Variants in STEAP1B observed in about 807,000 individuals in gnomAD.
STEAP1B encodes STEAP family protein MGC87042.
STEAP1B carries 13 observed loss-of-function variants against 27.9 expected under a neutral mutation model. That is an observed-to-expected ratio of 0.47 (90% confidence interval 0.30 to 0.74). The LOEUF (loss-of-function observed/expected upper bound fraction) is 0.74, where lower values mean the gene tolerates loss of function less well. Ranked by LOEUF, STEAP1B falls within the 30% of genes least tolerant of loss-of-function variation. The probability of loss-of-function intolerance (pLI) is 0.06; values close to 1 mark genes in which losing one functional copy is unlikely to be tolerated. For synonymous variants in STEAP1B, 86 were observed against 107.1 expected, an observed-to-expected ratio of 0.80 and a Z score of 1.22; for missense variants, 250 against 298.7, an observed-to-expected ratio of 0.84 and a Z score of 1.20.
intron 4 of STEAP1B, among the ~76,000 whole-genome samples, chr7:22,478,277 C>A (rs1786008342): frequency 6.6e-6 from 1 of 152,232 alleles, no homozygotes; most frequent in Non-Finnish European, 1.5e-5. Context: ...GCAATGAGGA[C>A]AGACTGCAGA....
intron 4 of STEAP1B, among the ~76,000 whole-genome samples, chr7:22,446,630 T>C (rs1325327374): frequency 1.3e-5 from 2 of 152,230 alleles, no homozygotes; most frequent in East Asian, 1.9e-4. Flanking sequence ...GACACTTCCA[T>C]TGGAATATGA....
chr7:22,434,663 C>G (rs1785232962), intron 4 of STEAP1B, among the ~76,000 whole-genome samples: 11 of 152,210 alleles, frequency 7.2e-5, no homozygotes, highest in Admixed American at 7.2e-4. Context: ...ATGCCAGACA[C>G]AACTCCAAGT....
intron 4 of STEAP1B, among the ~76,000 whole-genome samples, chr7:22,444,423 T>TA (rs1785378438): frequency 3.1e-5 from 4 of 128,896 alleles, no homozygotes; most frequent in Non-Finnish European, 6.8e-5. Flanking sequence ...TTTCCCTGTT[T>TA]TAAAAAAAAA....
At chr7:22,485,495 T>C (rs961986289) in intron 4 of STEAP1B, among the ~76,000 whole-genome samples, 3 of 152,218 alleles carry the variant, frequency 2.0e-5, no homozygotes, top group African/African-American at 7.2e-5. Flanking sequence ...GAACAACTTT[T>C]TTATTTTTTT....
At chr7:22,452,420 C>T (rs894413945) in intron 4 of STEAP1B, among the ~76,000 whole-genome samples, 1 of 151,694 alleles carries the variant, frequency 6.6e-6, no homozygotes, top group Non-Finnish European at 1.5e-5. Context: ...GGCAGACAAT[C>T]CCCCCCCTCC....
rs750152749 is a variant in STEAP1B at position 22,488,525 on chromosome 7, G to T, written c.762+4040C>A. On this transcript the variant is annotated intron_variant, in intron 4 of 4. Transcript: ENST00000678116. ...CCCTCATCCTCACCCATGCTGTGTTGCACTGTGGCCTTCTTTCAAAGTGAA... is the reference window on the plus strand; with the variant it reads ...CCCTCATCCTCACCCATGCTGTGTTTCACTGTGGCCTTCTTTCAAAGTGAA... 4.9e-4 allele frequency among the ~76,000 whole-genome samples: 74 copies of T among 152,308 alleles called. No homozygotes were observed. The Middle Eastern group carries it at 0.01, about 21-fold the overall frequency.
At chr7:22,455,120 C>T (rs572625517) in intron 4 of STEAP1B, among the ~76,000 whole-genome samples, 11 of 152,220 alleles carry the variant, frequency 7.2e-5, no homozygotes, top group African/African-American at 2.4e-4. Flanking sequence ...GCCTCGGCCT[C>T]CCAAAGTGCT....
chr7:22,494,782 T>C lies in STEAP1B; in HGVS notation c.74A>G (p.Asn25Ser). Residue 25 changes from asparagine (N) to serine (S), a missense_variant, in exon 2 of 5, where the codon AAC becomes AGC. Physicochemically the swap from Asn to Ser is conservative, Grantham distance 46 (BLOSUM62 1). Coordinates refer to ENST00000678116, the MANE Select transcript of STEAP1B (RefSeq NM_001382447.1). ...KMKPRRNLEDNDYLHEDTGET... is the reference protein window; with the variant it reads ...KMKPRRNLEDSDYLHEDTGET... ...TTATTAATATTTTACCAAATAATCG[T>C]TGTCTTCTAAATTTCTCCTAGGCTT... 6.5e-7 allele frequency: 1 copy of C among 1,542,446 alleles called. No individual in the cohort carries two copies. Among genetic ancestry groups the C allele is most frequent in the Non-Finnish European group, 8.8e-7 (1 of 1,132,636 alleles).
chr7:22,488,638 T>C (rs1247468112), intron 4 of STEAP1B, among the ~76,000 whole-genome samples: 1 of 152,216 alleles, frequency 6.6e-6, no homozygotes, highest in Non-Finnish European at 1.5e-5. Context: ...CAAAAGTTCT[T>C]GGTAGGTTCT....
intron 4 of STEAP1B, among the ~76,000 whole-genome samples, chr7:22,469,936 TC>T (rs1309549831): frequency 6.6e-6 from 1 of 152,180 alleles, no homozygotes; most frequent in African/African-American, 2.4e-5. Context: ...TCATGCTGAC[TC>T]ATGTTTAAAA....
At chr7:22,492,319 CAAAAAAAAAAAA>C (rs56679156) in intron 4 of STEAP1B, 24 of 54,800 alleles carry the variant, frequency 4.4e-4, no homozygotes, top group South Asian at 2.4e-3. Flanking sequence ...ACTTCATCTC[CAAAAAAAAAAAA>C]AAAAAAAAAA....
At chr7:22,436,719 T>C (rs1785259873) in intron 4 of STEAP1B, among the ~76,000 whole-genome samples, 1 of 152,220 alleles carries the variant, frequency 6.6e-6, no homozygotes, top group South Asian at 2.1e-4. Context: ...GTAAAGGACA[T>C]GCTCTCATTC....
At chr7:22,496,336 C>T (rs1786439772) in intron 1 of STEAP1B, among the ~76,000 whole-genome samples, 1 of 151,968 alleles carries the variant, frequency 6.6e-6, no homozygotes, top group East Asian at 1.9e-4. Context: ...AAAAGAGTTA[C>T]AGTAAGCTAA....
At chr7:22,459,893 T>C (rs146132473) in intron 4 of STEAP1B, among the ~76,000 whole-genome samples, 1,761 of 152,320 alleles carry the variant, frequency 0.012, 20 homozygotes, top group South Asian at 0.022. Flanking sequence ...TCATATCTAG[T>C]GACATTTAGT....
chr7:22,474,483 G>A (rs1274381782), intron 4 of STEAP1B, among the ~76,000 whole-genome samples: 1 of 152,188 alleles, frequency 6.6e-6, no homozygotes, highest in Non-Finnish European at 1.5e-5. Flanking sequence ...ATGGGAAACC[G>A]GGAAGAGCCA....
At chr7:22,470,975 T>C (rs185293034) in intron 4 of STEAP1B, among the ~76,000 whole-genome samples, 189 of 152,324 alleles carry the variant, frequency 1.2e-3, no homozygotes, top group Non-Finnish European at 2.0e-3. Context: ...CCTCTAAGAA[T>C]AGGGTCAGGC....
chr7:22,480,250 A>G (rs1325411996), intron 4 of STEAP1B, among the ~76,000 whole-genome samples: 4 of 152,382 alleles, frequency 2.6e-5, no homozygotes, highest in African/African-American at 9.6e-5. Context: ...ATAATTGTAC[A>G]TATCATTCTC....
Position 22,486,370 on chromosome 7 carries a change from C to T in STEAP1B, c.762+6195G>A, listed in dbSNP as rs573379948. 2.0e-5 allele frequency among the ~76,000 whole-genome samples: 3 copies of T among 152,280 alleles called. No individual in the cohort carries two copies. In the South Asian group the frequency reaches 6.2e-4, roughly 32 times the overall value. Reference sequence around the variant, plus strand: ...TGGCCTTTCATGAAAGGACCAAAGCCAGAGGCAGAATACAGTTTAAGAGAG... The same window carrying T: ...TGGCCTTTCATGAAAGGACCAAAGCTAGAGGCAGAATACAGTTTAAGAGAG... On this transcript the variant is annotated intron_variant, in intron 4 of 4. Coordinates refer to ENST00000678116, the MANE Select transcript of STEAP1B (RefSeq NM_001382447.1).
At chr7:22,477,973 A>G (rs764632726) in intron 4 of STEAP1B, among the ~76,000 whole-genome samples, 5 of 151,848 alleles carry the variant, frequency 3.3e-5, no homozygotes, top group African/African-American at 7.3e-5. Context: ...TACTCTTCCT[A>G]CTCCGTGCCA....
Sources: allele counts gnomAD v4.1 joint callset (sites outside exome capture counted in the v4.1 genomes callset), GRCh38; gene constraint gnomAD v4.1.1; transcripts MANE v1.5; gene names NCBI Gene and HGNC (gene_info 2026-07-23, HGNC 2026-07-21).